Variants in SRCIN1 observed in about 807,000 individuals in gnomAD.
The protein encoded by SRCIN1 is SRC kinase signaling inhibitor 1.
A neutral mutation model predicts 116.2 loss-of-function variants in SRCIN1; 50 were observed. The observed-to-expected ratio is 0.43, with a 90% CI of 0.34 to 0.54. The LOEUF (loss-of-function observed/expected upper bound fraction) is 0.54. Ranked by LOEUF, SRCIN1 falls within the 20% of genes least tolerant of loss-of-function variation. The pLI is 0.02. For missense variants in SRCIN1, 1,446 were observed against 1,672.0 expected (o/e 0.86, Z 2.36); for synonymous variants, 736 against 750.0 (o/e 0.98, Z 0.30).
chr17:38,551,237 G>A lies in SRCIN1; in HGVS notation c.2880C>T (p.Pro960=). ...CASKAHPGPA[P]TPDHKPPKAP... The stretch of plus-strand genomic sequence containing the variant: ...CCTTGGGGGGCTTGTGATCTGGAGT[G>A]GGGGCCGGGCCTGGATGGGCCTTGC... The change falls in exon 15 of 19, where the codon CCC becomes CCT. Residue 960 remains proline, a synonymous_variant. Coordinates refer to ENST00000617146, the MANE Select transcript of SRCIN1 (RefSeq NM_025248.3). 1 of 1,610,434 alleles carries A rather than the reference G, an allele frequency of 6.2e-7. No individual in the cohort carries two copies. The highest frequency in any genetic ancestry group is 8.5e-7 in the Non-Finnish European group (1 of 1,178,164).
chr17:38,544,009 A>G lies in SRCIN1; in HGVS notation c.3271-40T>C, dbSNP rs1904923368. The G allele has an allele frequency of 1.3e-6, 2 of 1,541,048 alleles. No homozygotes were observed. The highest frequency in any genetic ancestry group is 1.7e-6 in the Non-Finnish European group (2 of 1,147,866). ...ACAGGGTTGCAGTTGCAGAGTCCACATGGGGTGAATCACACAGGAACCCTA... is the reference window on the plus strand; with the variant it reads ...ACAGGGTTGCAGTTGCAGAGTCCACGTGGGGTGAATCACACAGGAACCCTA... On this transcript the variant is annotated intron_variant, in intron 17 of 18. Transcript: ENST00000617146. The surrounding 1 kb of genome is among the most constrained non-coding windows in gnomAD (Gnocchi z 4.5).
chr17:38,581,731 G>A (rs1481634361), intron 1 of SRCIN1, among the ~76,000 whole-genome samples: 1 of 152,196 alleles, frequency 6.6e-6, no homozygotes, highest in Non-Finnish European at 1.5e-5. Context: ...CTTCCTGAGG[G>A]CCCAGTCCCT....
At position 38,552,098 on chromosome 17, in the gene SRCIN1, T is replaced by G. The variant is rs1401259081; in HGVS notation, c.2515A>C (p.Asn839His). The change falls in exon 14 of 19, where the codon AAT becomes CAT. Residue 839 changes from asparagine to histidine, a missense_variant. Coordinates refer to ENST00000617146, the MANE Select transcript of SRCIN1 (RefSeq NM_025248.3). The surrounding 1 kb of genome is among the most constrained non-coding windows in gnomAD (Gnocchi z 5.3). ...VDEGVWPPPN[N>H]LLSQSPKKVT... is the part of the protein sequence containing the mutation. ...TTCTTGGGGGACTGACTCAGGAGAT[T>G]GTTGGGGGGTGGCCACACACCCTCA... The G allele has an allele frequency of 6.2e-7, 1 of 1,612,838 alleles. No individual in the cohort carries two copies. The highest frequency in any genetic ancestry group is 8.5e-7 in the Non-Finnish European group (1 of 1,179,494).
chr17:38,533,594 G>C (rs1019631465), intron 18 of SRCIN1, among the ~76,000 whole-genome samples, 163 bp from the exon 19 acceptor site: 1 of 149,746 alleles, frequency 6.7e-6, no homozygotes, highest in Non-Finnish European at 1.5e-5. Context: ...CCCTTGAATG[G>C]TGGAGGGGTG....
chr17:38,535,811 C>A (rs2040992334), intron 18 of SRCIN1, among the ~76,000 whole-genome samples: 1 of 152,190 alleles, frequency 6.6e-6, no homozygotes, highest in South Asian at 2.1e-4. Flanking sequence ...TGCCCAGTTC[C>A]CCCTGATGTC....
Position 38,552,617 on chromosome 17 carries a change from G to A in SRCIN1, c.2333-23C>T, listed in dbSNP as rs1905510132. On this transcript the variant is annotated intron_variant, in intron 12 of 18. Coordinates refer to ENST00000617146, the MANE Select transcript of SRCIN1 (RefSeq NM_025248.3). This position sits in a 1 kb window ranked among gnomAD's most constrained non-coding sequence, Gnocchi z 5.3. The stretch of plus-strand genomic sequence containing the variant: ...GAGCTGAGGAGACAGGAAGGCATGA[G>A]CTGGGGCCAGAGGGAGCACCACAGA... 1 of 1,612,730 alleles carries A rather than the reference G, an allele frequency of 6.2e-7. No homozygotes were observed. The highest frequency in any genetic ancestry group is 8.5e-7 in the Non-Finnish European group (1 of 1,179,792).
intron 11 of SRCIN1, among the ~76,000 whole-genome samples, chr17:38,554,988 A>G (rs965096354): frequency 6.6e-6 from 1 of 152,244 alleles, no homozygotes; most frequent in African/African-American, 2.4e-5. Flanking sequence ...AGGTGAAAAG[A>G]CAGACTGGGT....
chr17:38,588,125 A>G (rs1386510348), intron 1 of SRCIN1, among the ~76,000 whole-genome samples: 2 of 151,822 alleles, frequency 1.3e-5, no homozygotes, highest in Non-Finnish European at 2.9e-5. Context: ...AACAGGCAAC[A>G]GGCATGCAGA....
At chr17:38,591,637 C>A (rs1378785898) in intron 1 of SRCIN1, among the ~76,000 whole-genome samples, 4 of 152,206 alleles carry the variant, frequency 2.6e-5, no homozygotes, top group Non-Finnish European at 4.4e-5. Flanking sequence ...CCAGAACATA[C>A]CTTCCTTGCC....
intron 18 of SRCIN1, among the ~76,000 whole-genome samples, chr17:38,538,933 A>G (rs866137190): frequency 1.8e-4 from 27 of 152,338 alleles, no homozygotes; most frequent in African/African-American, 6.3e-4. Flanking sequence ...ACAGCACCAG[A>G]TGCACATGAC....
chr17:38,574,990 G>A (rs1039891776), intron 2 of SRCIN1: 31 of 400,814 alleles, frequency 7.7e-5, no homozygotes, highest in South Asian at 1.3e-4. Context: ...TGTGCGAAGC[G>A]GGGGACACCC....
intron 18 of SRCIN1, chr17:38,543,211 G>A (rs1020837682): frequency 1.3e-5 from 6 of 456,610 alleles, no homozygotes; most frequent in African/African-American, 6.0e-5. Context: ...GCCTCGCCCT[G>A]TCCCCACCCA....
chr17:38,562,696 C>T lies in SRCIN1; in HGVS notation c.834+131G>A, dbSNP rs1906355143. On this transcript the variant is annotated intron_variant, in intron 6 of 18. Transcript: ENST00000617146. The surrounding 1 kb of genome is among the most constrained non-coding windows in gnomAD (Gnocchi z 4.2). ...AGTGGCAGGTGGGACAGGGGCTCTT[C>T]CCTAACCCCTCAGCCCCTATGCTGT... The T allele has an allele frequency of 1.3e-6, 1 of 793,130 alleles. No homozygotes were observed. Among genetic ancestry groups the T allele is most frequent in the East Asian group, 2.8e-5 (1 of 35,762 alleles). 49.1% of individuals were successfully genotyped at this position (793,130 alleles called of 1,614,324 possible).
chr17:38,541,360 CAG>C (rs1260824119), intron 18 of SRCIN1: 7 of 152,126 alleles, frequency 4.6e-5, no homozygotes, highest in African/African-American at 1.7e-4. Context: ...GGAAGTGAGA[CAG>C]GGGCACGGAG....
chr17:38,563,519 C>T lies in SRCIN1; in HGVS notation c.544G>A (p.Val182Met). 6.5e-7 allele frequency: 1 copy of T among 1,549,240 alleles called. No homozygotes were observed. Among genetic ancestry groups the T allele is most frequent in the Non-Finnish European group, 8.7e-7 (1 of 1,147,212 alleles). The change falls in exon 5 of 19, where the codon GTG (valine) becomes ATG (methionine). Residue 182 changes from valine to methionine, a missense_variant and splice_region_variant. This residue lies in a region of SRCIN1 where 246 missense variants were observed against 265.1 expected (regional missense o/e 0.93). Transcript: ENST00000617146. The surrounding 1 kb of genome is among the most constrained non-coding windows in gnomAD (Gnocchi z 5.8). The stretch of plus-strand genomic sequence containing the variant: ...TCCTCCCCGAACTGCAGGAACAGCA[C>T]CCCTGCGAAGGAGACGCCGCCCTCG... ...ASQTKLRSPG[V>M]LFLQFGEETR...
At chr17:38,566,412 A>G (rs1906685019) in intron 3 of SRCIN1, among the ~76,000 whole-genome samples, 1 of 152,158 alleles carries the variant, frequency 6.6e-6, no homozygotes, top group African/African-American at 2.4e-5. Context: ...GGCTGAGACA[A>G]TAGGGCAGAG....
In SRCIN1 at chr17:38,602,419, C is replaced by G. The variant is rs901339765; in HGVS notation, c.22+3265G>C. On this transcript the variant is annotated intron_variant, in intron 1 of 18. Coordinates refer to ENST00000617146, the MANE Select transcript of SRCIN1 (RefSeq NM_025248.3). This position sits in a 1 kb window ranked among gnomAD's most constrained non-coding sequence, Gnocchi z 4.2. Reference sequence around the variant, plus strand: ...CTGAGTGCCTCATTGAAGCCTGCACCTGCACCAGCCCACCCACAGCAGGCA... The same window carrying G: ...CTGAGTGCCTCATTGAAGCCTGCACGTGCACCAGCCCACCCACAGCAGGCA... 6.6e-6 allele frequency: 1 copy of G among 152,306 alleles called. No individual in the cohort carries two copies. Among genetic ancestry groups the G allele is most frequent in the African/African-American group, 2.4e-5 (1 of 41,418 alleles). 9.4% of individuals were successfully genotyped at this position (152,306 alleles called of 1,614,324 possible). A position where few individuals can be genotyped will look rare whatever the true frequency, so the allele number is the denominator to read the frequency against.
In SRCIN1 at chr17:38,572,156, C is replaced by G. The variant is rs568882560; in HGVS notation, c.325-3925G>C. ...CACGGGTCCACACCGGCTCCTTAAT[C>G]CCCTGGCTGTGCTGCACCGGTGCAC... is the stretch of plus-strand genomic sequence containing the variant. On this transcript the variant is annotated intron_variant, in intron 2 of 18. Coordinates refer to ENST00000617146, the MANE Select transcript of SRCIN1 (RefSeq NM_025248.3). This position sits in a 1 kb window ranked among gnomAD's most constrained non-coding sequence, Gnocchi z 4.3. Among the ~76,000 whole-genome samples the G allele has an allele frequency of 6.6e-6, 1 of 152,208 alleles. No homozygotes were observed. Among genetic ancestry groups the G allele is most frequent in the African/African-American group, 2.4e-5 (1 of 41,442 alleles).
chr17:38,533,155 G>A lies in SRCIN1; in HGVS notation c.*142C>T. 4 of 925,614 alleles carry A rather than the reference G, an allele frequency of 4.3e-6. No homozygotes were observed. Among genetic ancestry groups the A allele is most frequent in the Non-Finnish European group, 5.7e-6 (4 of 697,822 alleles). The allele number at this position is 925,614 out of a possible 1,614,324, so 57.3% of individuals were successfully genotyped here. On this transcript the variant is annotated 3_prime_UTR_variant, in exon 19 of 19. Coordinates refer to ENST00000617146, the MANE Select transcript of SRCIN1 (RefSeq NM_025248.3). ...ACAGATGATGGGTAGGGGTCGCTGA[G>A]GAGGGCCGCACCCTCCTCTTCAGGG... is the stretch of plus-strand genomic sequence containing the variant.
Sources: allele counts gnomAD v4.1 joint callset (sites outside exome capture counted in the v4.1 genomes callset), GRCh38; gene constraint gnomAD v4.1.1; regional missense constraint gnomAD v4.1.1; non-coding constraint Gnocchi (gnomAD v3.1); transcripts MANE v1.5; gene names NCBI Gene and HGNC (gene_info 2026-07-23, HGNC 2026-07-21).